CDIN1: variants seen among roughly 807,000 people sequenced by gnomAD.
The protein encoded by CDIN1 is CDAN1 interacting nuclease 1.
A neutral mutation model predicts 45.3 loss-of-function variants in CDIN1; 33 were observed. The ratio of observed to expected loss-of-function variants is 0.73; its 90% CI spans 0.55 to 0.97. CDIN1 has a LOEUF of 0.97. Among genes scored for constraint, CDIN1 ranks in the 50% least tolerant of loss-of-function variants. The pLI, the probability that CDIN1 is intolerant of heterozygous loss-of-function variation, is 0.00. For missense variants in CDIN1, 303 were observed against 339.4 expected (o/e 0.89, Z 0.84); for synonymous variants, 118 against 124.4 (o/e 0.95, Z 0.34).
chr15:36,618,696 G>A lies in CDIN1; in HGVS notation c.102-25582G>A, dbSNP rs1566837855. On this transcript the variant is annotated intron_variant, in intron 1 of 10. Transcript: ENST00000566621. Reference sequence around the variant, plus strand: ...AGCAGACAGAATGCACTTCTGCCCAGCAACTCAGTATGAGTACCAGTTCTC... The same window carrying A: ...AGCAGACAGAATGCACTTCTGCCCAACAACTCAGTATGAGTACCAGTTCTC... 5.0e-6 allele frequency: 4 copies of A among 795,844 alleles called. No homozygotes were observed. The East Asian group carries it at 7.4e-5, about 15-fold the overall frequency. The allele number at this position is 795,844 out of a possible 1,614,324, so 49.3% of individuals were successfully genotyped here.
chr15:36,589,479 C>G (rs891395212), intron 1 of CDIN1, among the ~76,000 whole-genome samples: 1 of 151,542 alleles, frequency 6.6e-6, no homozygotes, highest in African/African-American at 2.4e-5. Flanking sequence ...GGTGAAACTC[C>G]TAACTGAATG....
intron 10 of CDIN1, among the ~76,000 whole-genome samples, chr15:36,715,745 T>C (rs999960701): frequency 3.4e-4 from 51 of 152,146 alleles, no homozygotes; most frequent in African/African-American, 1.1e-3. Context: ...TAAAATTGAG[T>C]TGATTGTGAG....
At chr15:36,737,174 A>G (rs1266251981) in intron 10 of CDIN1, among the ~76,000 whole-genome samples, 3 of 151,752 alleles carry the variant, frequency 2.0e-5, no homozygotes, top group Non-Finnish European at 4.4e-5. Flanking sequence ...TCTCAAAAAA[A>G]AAAAAAACAA....
Position 36,701,629 on chromosome 15 carries a change from T to A in CDIN1, c.544+4239T>A, listed in dbSNP as rs149324472. Among the ~76,000 whole-genome samples the A allele has an allele frequency of 3.5e-3, 540 of 152,314 alleles. 1 individual carries two copies. The highest frequency in any genetic ancestry group is 0.031 in the Middle Eastern group (9 of 294). On this transcript the variant is annotated intron_variant, in intron 8 of 10. Coordinates refer to ENST00000566621, the MANE Select transcript of CDIN1 (RefSeq NM_001321759.2). The stretch of plus-strand genomic sequence containing the variant: ...ACAGCCACTGTCTGGTGCAAATTCT[T>A]GTTAAGTCTGGCCTAATAAGAATGG...
chr15:36,783,434 AG>A (rs1165195340), intron 10 of CDIN1, among the ~76,000 whole-genome samples: 1 of 151,870 alleles, frequency 6.6e-6, no homozygotes, highest in Non-Finnish European at 1.5e-5. Context: ...TAAAAGCCTG[AG>A]TTTAAATTCA....
intron 1 of CDIN1, among the ~76,000 whole-genome samples, chr15:36,622,073 T>C (rs2039221959): frequency 6.6e-6 from 1 of 152,224 alleles, no homozygotes; most frequent in Non-Finnish European, 1.5e-5. Context: ...GAATTTTATG[T>C]GTGGAAAACT....
intron 10 of CDIN1, among the ~76,000 whole-genome samples, chr15:36,780,506 C>T (rs1190761528): frequency 1.3e-5 from 2 of 152,180 alleles, no homozygotes; most frequent in East Asian, 1.9e-4. Context: ...TATTTAGACA[C>T]ACACCTCCAC....
chr15:36,694,575 CT>C (rs140646218), intron 7 of CDIN1, among the ~76,000 whole-genome samples: 1 of 151,528 alleles, frequency 6.6e-6, no homozygotes, highest in African/African-American at 2.4e-5. Context: ...TGTGCTTTCT[CT>C]TTTTTTTTGT....
intron 10 of CDIN1, among the ~76,000 whole-genome samples, chr15:36,803,306 T>C (rs2055111551): frequency 6.6e-6 from 1 of 150,544 alleles, no homozygotes; most frequent in Admixed American, 6.7e-5. Context: ...AGAAGCTCAG[T>C]TGGTATACCT....
intron 10 of CDIN1, among the ~76,000 whole-genome samples, chr15:36,803,845 C>T (rs774707149): frequency 6.6e-6 from 1 of 152,210 alleles, no homozygotes; most frequent in Non-Finnish European, 1.5e-5. Flanking sequence ...GGTTGACTTT[C>T]AAACTGGAGA....
intron 3 of CDIN1, among the ~76,000 whole-genome samples, 152 bp downstream of exon 3, chr15:36,645,439 A>G (rs2040278873): frequency 6.6e-6 from 1 of 150,760 alleles, no homozygotes; most frequent in South Asian, 2.1e-4. Flanking sequence ...TTTTTGAATG[A>G]GTTTTCAAAT....
chr15:36,780,451 T>A (rs924191725), intron 10 of CDIN1, among the ~76,000 whole-genome samples: 7 of 152,212 alleles, frequency 4.6e-5, no homozygotes, highest in Non-Finnish European at 8.8e-5. Context: ...TTAACTCGTA[T>A]AGATAGAATC....
At chr15:36,781,911 C>A (rs1443285282) in intron 10 of CDIN1, among the ~76,000 whole-genome samples, 1 of 152,198 alleles carries the variant, frequency 6.6e-6, no homozygotes, top group Admixed American at 6.5e-5. Flanking sequence ...CCTCACCAAT[C>A]TCAGAAGCAG....
chr15:36,697,372 A>G lies in CDIN1; in HGVS notation c.526A>G (p.Lys176Glu). 1 of 1,612,054 alleles carries G rather than the reference A, an allele frequency of 6.2e-7. No homozygotes were observed. Among genetic ancestry groups the G allele is most frequent in the Non-Finnish European group, 8.5e-7 (1 of 1,179,118 alleles). ...EVLLRDLLLE[K>E]NLSFLDEDQL... is the part of the protein sequence containing the mutation. ...CCTGCTGAGAGACTTGCTTCTAGAG[A>G]AAAACCTGTCCTTCCTAGGTAAGTA... Residue 176 changes from lysine to glutamate, a missense_variant, in exon 8 of 11, where the codon AAA becomes GAA. Coordinates refer to ENST00000566621, the MANE Select transcript of CDIN1 (RefSeq NM_001321759.2).
At chr15:36,609,917 A>G (rs2038567421) in intron 1 of CDIN1, among the ~76,000 whole-genome samples, 1 of 152,210 alleles carries the variant, frequency 6.6e-6, no homozygotes, top group African/African-American at 2.4e-5. Context: ...TAAAGCTGTG[A>G]AAAGGAAACT....
intron 5 of CDIN1, among the ~76,000 whole-genome samples, chr15:36,662,854 G>GTTTT (rs34007525): frequency 4.9e-5 from 6 of 122,920 alleles, no homozygotes; most frequent in Admixed American, 8.6e-5. Context: ...TCAGATTTTA[G>GTTTT]TTTTTTTTTT....
intron 1 of CDIN1, among the ~76,000 whole-genome samples, chr15:36,637,210 A>C (rs1329316187): frequency 6.6e-6 from 1 of 152,236 alleles, no homozygotes; most frequent in Non-Finnish European, 1.5e-5. Flanking sequence ...TAATAAAAAC[A>C]AACTGTGATC....
At chr15:36,687,229 G>A (rs1365868441) in intron 5 of CDIN1, among the ~76,000 whole-genome samples, 2 of 152,064 alleles carry the variant, frequency 1.3e-5, no homozygotes, top group African/African-American at 4.8e-5. Context: ...TGTAATGAAT[G>A]TAAATGGGTT....
chr15:36,791,584 T>C (rs912267538), intron 10 of CDIN1, among the ~76,000 whole-genome samples: 2 of 152,148 alleles, frequency 1.3e-5, no homozygotes, highest in Non-Finnish European at 2.9e-5. Flanking sequence ...TAAAAATAAA[T>C]TTAAAACCTA....
Sources: allele counts gnomAD v4.1 joint callset (sites outside exome capture counted in the v4.1 genomes callset), GRCh38; gene constraint gnomAD v4.1.1; transcripts MANE v1.5; gene names NCBI Gene and HGNC (gene_info 2026-07-23, HGNC 2026-07-21).